DPH6: variants seen among roughly 807,000 people sequenced by gnomAD.
DPH6 encodes diphthamine biosynthesis 6, also known as diphthine--ammonia ligase.
Under a neutral mutation model 38.2 loss-of-function variants are expected in DPH6, and 33 were observed. That is an observed-to-expected ratio of 0.86 (90% confidence interval 0.65 to 1.15). The LOEUF (loss-of-function observed/expected upper bound fraction) is 1.15, where lower values mean the gene tolerates loss of function less well. Among genes scored for constraint, DPH6 ranks in the 50% most tolerant of loss-of-function variants. The pLI, the probability that DPH6 is intolerant of heterozygous loss-of-function variation, is 0.00. For missense variants in DPH6, 325 were observed against 320.0 expected (o/e 1.02, Z -0.12); for synonymous variants, 108 against 103.0 (o/e 1.05, Z -0.30).
At chr15:35,450,493 G>A (rs531935275) in intron 5 of DPH6, among the ~76,000 whole-genome samples, 192 bp downstream of exon 5, 8 of 148,168 alleles carry the variant, frequency 5.4e-5, no homozygotes, top group Middle Eastern at 3.6e-3. Context: ...TAATCACTTC[G>A]GCAAATGGTC....
chr15:35,498,943 TAAAAAAAAAAA>T (rs61542040), intron 3 of DPH6, among the ~76,000 whole-genome samples: 2 of 108,430 alleles, frequency 1.8e-5, no homozygotes, highest in African/African-American at 3.7e-5. Context: ...CCTCATCTCT[TAAAAAAAAAAA>T]AAAAAAAAAA....
intron 4 of DPH6, among the ~76,000 whole-genome samples, chr15:35,453,887 A>G (rs2053965557): frequency 6.6e-6 from 1 of 152,108 alleles, no homozygotes. Flanking sequence ...ATATAAAAAT[A>G]TTATATAAAT....
intron 3 of DPH6, among the ~76,000 whole-genome samples, chr15:35,531,767 G>C (rs2037560419): frequency 1.3e-5 from 2 of 152,110 alleles, no homozygotes; most frequent in Admixed American, 6.6e-5. Flanking sequence ...ACTGTGCCCA[G>C]CCTAAGTTGG....
chr15:35,520,381 T>G (rs2054907182), intron 3 of DPH6: 1 of 983,446 alleles, frequency 1.0e-6, no homozygotes. Flanking sequence ...AGTATCAGGA[T>G]GTAAAATAAA....
chr15:35,220,973 A>G (rs879840246), intron 3 of DPH6, among the ~76,000 whole-genome samples: 8 of 152,230 alleles, frequency 5.3e-5, no homozygotes, highest in Non-Finnish European at 1.2e-4. Flanking sequence ...TAAAGGCACA[A>G]TTCATCATAA....
the DPH6 span, among the ~76,000 whole-genome samples, chr15:35,167,418 T>C: frequency 6.6e-6 from 1 of 150,646 alleles, no homozygotes; most frequent in Non-Finnish European, 1.5e-5. Flanking sequence ...CAAAAAGATA[T>C]GTCACTCTAA....
intron 3 of DPH6, among the ~76,000 whole-genome samples, chr15:35,258,174 T>A (rs570065815): frequency 2.6e-5 from 4 of 152,316 alleles, no homozygotes; most frequent in African/African-American, 9.6e-5. Context: ...GAATTATTAA[T>A]GAAAAGATTG....
intron 3 of DPH6, among the ~76,000 whole-genome samples, chr15:35,491,207 T>C (rs1259868312): frequency 6.6e-6 from 1 of 151,798 alleles, no homozygotes; most frequent in African/African-American, 2.4e-5. Flanking sequence ...TAATGTTAAA[T>C]AATGGATGGA....
intron 3 of DPH6, among the ~76,000 whole-genome samples, chr15:35,481,843 A>G (rs755949935): frequency 6.6e-6 from 1 of 152,206 alleles, no homozygotes; most frequent in Non-Finnish European, 1.5e-5. Context: ...AAATCAAATA[A>G]TAAAAGGCTA....
chr15:35,379,833 T>C (rs1883142988), intron 7 of DPH6, among the ~76,000 whole-genome samples: 1 of 152,172 alleles, frequency 6.6e-6, no homozygotes, highest in Middle Eastern at 3.4e-3. Context: ...ATTTAGCAAA[T>C]AGCCTAATGT....
At chr15:35,227,169 ATCT>A (rs1273907865) in intron 3 of DPH6, among the ~76,000 whole-genome samples, 2 of 133,936 alleles carry the variant, frequency 1.5e-5, no homozygotes, top group Non-Finnish European at 3.1e-5. Flanking sequence ...CAGTTATAAC[ATCT>A]TCTTTTTTTT....
intron 3 of DPH6, among the ~76,000 whole-genome samples, chr15:35,223,573 C>A (rs973142003): frequency 1.3e-5 from 2 of 152,030 alleles, no homozygotes; most frequent in Non-Finnish European, 2.9e-5. Context: ...GTAGTCCCAG[C>A]TACTCGGGAG....
intron 3 of DPH6, among the ~76,000 whole-genome samples, chr15:35,263,806 G>T (rs905555002): frequency 3.3e-5 from 5 of 151,832 alleles, no homozygotes; most frequent in African/African-American, 7.3e-5. Flanking sequence ...CAGCCTCCCG[G>T]GTTCATGCCA....
the DPH6 span, among the ~76,000 whole-genome samples, chr15:35,177,962 T>C: frequency 1.3e-5 from 2 of 151,964 alleles, no homozygotes; most frequent in Non-Finnish European, 1.5e-5. Flanking sequence ...ATAATAATAA[T>C]GTGATACTTT....
intron 3 of DPH6, among the ~76,000 whole-genome samples, chr15:35,502,168 C>T (rs1316630505): frequency 6.6e-6 from 1 of 151,822 alleles, no homozygotes; most frequent in African/African-American, 2.4e-5. Flanking sequence ...AAGATGTGGC[C>T]ATTATTACAT....
chr15:35,259,173 G>T (rs1867523), intron 3 of DPH6, among the ~76,000 whole-genome samples: 97,264 of 150,706 alleles, frequency 0.65, 32,244 homozygotes, highest in Non-Finnish European at 0.73. Flanking sequence ...ATTCCTACTA[G>T]GTGATCATCC....
At chr15:35,311,655 G>A (rs1434007448) in intron 3 of DPH6, among the ~76,000 whole-genome samples, 2 of 152,196 alleles carry the variant, frequency 1.3e-5, no homozygotes, top group African/African-American at 2.4e-5. Context: ...ACAGTTATCT[G>A]AAATGTTCTC....
At chr15:35,299,193 C>A in intron 3 of DPH6, 3 of 1,366,932 alleles carry the variant, frequency 2.2e-6, no homozygotes, top group Non-Finnish European at 3.1e-6. Context: ...AGAAAACCCA[C>A]TGGGAACAGG....
the DPH6 span, among the ~76,000 whole-genome samples, chr15:35,164,417 C>A: frequency 6.6e-6 from 1 of 151,452 alleles, no homozygotes; most frequent in African/African-American, 2.4e-5. Context: ...TTTTTTGGAG[C>A]AGTGGCAGAG....
Sources: allele counts gnomAD v4.1 joint callset (sites outside exome capture counted in the v4.1 genomes callset), GRCh38; gene constraint gnomAD v4.1.1; transcripts MANE v1.5; gene names NCBI Gene and HGNC (gene_info 2026-07-23, HGNC 2026-07-21).